PTPRT: variants seen among roughly 807,000 people sequenced by gnomAD.
The protein encoded by PTPRT is protein tyrosine phosphatase receptor type T, also known as receptor-type tyrosine-protein phosphatase T.
A neutral mutation model predicts 176.8 loss-of-function variants in PTPRT; 56 were observed. That is an observed-to-expected ratio of 0.32 (90% CI 0.26 to 0.40). The LOEUF (loss-of-function observed/expected upper bound fraction) is 0.40, where lower values mean the gene tolerates loss of function less well. PTPRT is among the 10% of genes least tolerant of loss of function. The pLI is 1.00. For synonymous variants in PTPRT, 783 were observed against 739.0 expected, an observed-to-expected ratio of 1.06 and a Z score of -0.96; for missense variants, 1,540 against 1,908.2, an observed-to-expected ratio of 0.81 and a Z score of 3.60.
intron 1 of PTPRT, among the ~76,000 whole-genome samples, chr20:43,050,434 G>A (rs981717291): frequency 3.9e-5 from 6 of 152,180 alleles, no homozygotes; most frequent in Non-Finnish European, 5.9e-5. Context: ...GCAAGGCCAC[G>A]GCCACCCAGG....
intron 16 of PTPRT, among the ~76,000 whole-genome samples, chr20:42,186,528 G>A (rs1990791426): frequency 6.6e-6 from 1 of 151,940 alleles, no homozygotes; most frequent in Non-Finnish European, 1.5e-5. Context: ...AGATTATGGT[G>A]TCACGGAGCT....
In PTPRT at chr20:43,155,410, C is replaced by A. The variant is rs2014487816; in HGVS notation, c.88+34236G>T. Among the ~76,000 whole-genome samples, 5 of 152,062 alleles carry A rather than the reference C, an allele frequency of 3.3e-5. No individual in the cohort carries two copies. The South Asian group carries it at 1.0e-3, about 31-fold the overall frequency. ...TAAACCTGGAGGACATTATGTCAAG[C>A]AAAATAAGCCAGGCACAGAAAGACA... On this transcript the variant is annotated intron_variant, in intron 1 of 30. Coordinates refer to ENST00000373187, the MANE Select transcript of PTPRT (RefSeq NM_007050.6).
chr20:42,957,227 T>G (rs181071017), intron 1 of PTPRT, among the ~76,000 whole-genome samples: 141 of 152,220 alleles, frequency 9.3e-4, no homozygotes, highest in African/African-American at 3.3e-3. Flanking sequence ...CAATGAATCA[T>G]GCCAAAGGTC....
chr20:42,281,272 A>G (rs973609451), intron 13 of PTPRT, among the ~76,000 whole-genome samples: 31 of 152,206 alleles, frequency 2.0e-4, no homozygotes, highest in Middle Eastern at 6.8e-3. Flanking sequence ...ATCTCTTTCC[A>G]TCCAGGAGCC....
chr20:43,095,473 A>G (rs2146314565), intron 1 of PTPRT, among the ~76,000 whole-genome samples: 1 of 152,068 alleles, frequency 6.6e-6, no homozygotes, highest in African/African-American at 2.4e-5. Flanking sequence ...GTTTCTGGAC[A>G]CTCAAACCAG....
At chr20:42,897,762 T>C (rs530331878) in intron 1 of PTPRT, among the ~76,000 whole-genome samples, 3 of 152,312 alleles carry the variant, frequency 2.0e-5, no homozygotes, top group African/African-American at 7.2e-5. Context: ...GGCCAACTTA[T>C]GTAACTTCTA....
At chr20:42,144,131 T>G (rs539686968) in intron 17 of PTPRT, among the ~76,000 whole-genome samples, 1 of 152,246 alleles carries the variant, frequency 6.6e-6, no homozygotes, top group Non-Finnish European at 1.5e-5. Flanking sequence ...GGGCACCATC[T>G]GCCATAGATC....
chr20:42,257,168 GGT>G, intron 13 of PTPRT, among the ~76,000 whole-genome samples: 1 of 152,082 alleles, frequency 6.6e-6, no homozygotes, highest in Non-Finnish European at 1.5e-5. Flanking sequence ...ACTTTCGAGG[GGT>G]GTGTGGGCTT....
At chr20:42,170,917 T>G (rs1249658590) in intron 16 of PTPRT, among the ~76,000 whole-genome samples, 1 of 152,164 alleles carries the variant, frequency 6.6e-6, no homozygotes, top group Admixed American at 6.5e-5. Flanking sequence ...TATATTCTGA[T>G]ACAATTGTTT....
chr20:42,349,895 G>C (rs948468526), intron 11 of PTPRT, among the ~76,000 whole-genome samples: 8 of 152,216 alleles, frequency 5.3e-5, no homozygotes, highest in Non-Finnish European at 8.8e-5. Context: ...AGATGCGTCA[G>C]TGTATTCCTG....
At chr20:43,185,085 A>C (rs2015357830) in intron 1 of PTPRT, among the ~76,000 whole-genome samples, 2 of 152,094 alleles carry the variant, frequency 1.3e-5, no homozygotes, top group African/African-American at 4.8e-5. Flanking sequence ...TCTCCATACT[A>C]ATCTGAATCC....
At chr20:42,158,017 C>G (rs2146489322) in intron 17 of PTPRT, among the ~76,000 whole-genome samples, 1 of 152,300 alleles carries the variant, frequency 6.6e-6, no homozygotes. Context: ...TTCCAGCCCC[C>G]AGCCTTGGAG....
chr20:42,490,549 T>G lies in PTPRT; in HGVS notation c.1154-17987A>C, dbSNP rs116230132. On this transcript the variant is annotated intron_variant, in intron 7 of 30. Coordinates refer to ENST00000373187, the MANE Select transcript of PTPRT (RefSeq NM_007050.6). The stretch of plus-strand genomic sequence containing the variant: ...AGACATGCTATTGATTTTTATAAGT[T>G]AATCTTATATCTGGCAACCTTGTTG... 3.6e-3 allele frequency among the ~76,000 whole-genome samples: 554 copies of G among 152,318 alleles called. 3 individuals carry two copies. The highest frequency in any genetic ancestry group is 0.013 in the African/African-American group (529 of 41,580).
At position 43,187,845 on chromosome 20, in the gene PTPRT, C is replaced by T. The variant is rs532543385; in HGVS notation, c.88+1801G>A. Among the ~76,000 whole-genome samples, 9 of 152,334 alleles carry T rather than the reference C, an allele frequency of 5.9e-5. No individual in the cohort carries two copies. In the East Asian group the frequency reaches 1.2e-3, roughly 20 times the overall value. On this transcript the variant is annotated intron_variant, in intron 1 of 30. Coordinates refer to ENST00000373187, the MANE Select transcript of PTPRT (RefSeq NM_007050.6). The stretch of plus-strand genomic sequence containing the variant: ...AAAAGGCTGCTGAATAAACACATTA[C>T]TCATTTAAAAATTGAAAAGAAGTTC...
At chr20:42,395,648 A>G (rs562232263) in intron 9 of PTPRT, among the ~76,000 whole-genome samples, 3 of 152,160 alleles carry the variant, frequency 2.0e-5, no homozygotes, top group East Asian at 1.9e-4. Flanking sequence ...AGTACCCACA[A>G]TTCTTTATAA....
chr20:42,155,110 T>C (rs1250448886), intron 17 of PTPRT, among the ~76,000 whole-genome samples: 1 of 152,158 alleles, frequency 6.6e-6, no homozygotes, highest in Admixed American at 6.5e-5. Context: ...CTGAAGTATA[T>C]ATCCCACCCC....
intron 7 of PTPRT, among the ~76,000 whole-genome samples, chr20:42,611,899 C>T (rs2073981908): frequency 6.6e-6 from 1 of 152,162 alleles, no homozygotes. Context: ...AGGCTCTTGC[C>T]TGGTCCATCA....
chr20:42,199,816 T>G (rs1991378525), intron 15 of PTPRT, among the ~76,000 whole-genome samples: 1 of 152,040 alleles, frequency 6.6e-6, no homozygotes, highest in Non-Finnish European at 1.5e-5. Flanking sequence ...ATCAAAAACC[T>G]ACCAAATAAT....
chr20:42,728,050 G>A (rs1309423633), intron 6 of PTPRT, among the ~76,000 whole-genome samples: 1 of 152,076 alleles, frequency 6.6e-6, no homozygotes, highest in South Asian at 2.1e-4. Context: ...GGCTCCAGAC[G>A]ACCTTCCAGG....
Sources: allele counts gnomAD v4.1 joint callset (sites outside exome capture counted in the v4.1 genomes callset), GRCh38; gene constraint gnomAD v4.1.1; transcripts MANE v1.5; gene names NCBI Gene and HGNC (gene_info 2026-07-23, HGNC 2026-07-21).